Variants in EZH2 observed in about 807,000 individuals in gnomAD.
EZH2 encodes histone-lysine N-methyltransferase EZH2.
In EZH2, 18 loss-of-function variants were observed where a neutral mutation model predicts 98.4. The ratio of observed to expected loss-of-function variants is 0.18; its 90% CI spans 0.13 to 0.27. EZH2 has a LOEUF of 0.27. EZH2 is among the 10% of genes least tolerant of loss of function. The pLI is 1.00. For synonymous variants in EZH2, 338 were observed against 312.3 expected (o/e 1.08, Z -0.87); for missense variants, 470 against 935.1 (o/e 0.50, Z 6.49).
intron 6 of EZH2, among the ~76,000 whole-genome samples, 192 bp from the exon 7 acceptor site, chr7:148,827,458 T>C (rs1278858258): frequency 6.6e-6 from 1 of 152,144 alleles, no homozygotes; most frequent in African/African-American, 2.4e-5. Context: ...AAAATTCAAA[T>C]TCAAATATGA....
At chr7:148,854,352 C>T (rs1033590506) in intron 1 of EZH2, among the ~76,000 whole-genome samples, 2 of 150,824 alleles carry the variant, frequency 1.3e-5, no homozygotes, top group African/African-American at 4.9e-5. Context: ...AGGAGAATGG[C>T]GTGAACCCGG....
chr7:148,857,067 A>T (rs1563049974), intron 1 of EZH2, among the ~76,000 whole-genome samples: 1 of 152,258 alleles, frequency 6.6e-6, no homozygotes, highest in Non-Finnish European at 1.5e-5. Context: ...ATGTGATGAA[A>T]TGAGATGGGG....
intron 3 of EZH2, among the ~76,000 whole-genome samples, chr7:148,833,791 A>G (rs545667990): frequency 6.6e-6 from 1 of 152,276 alleles, no homozygotes; most frequent in African/African-American, 2.4e-5. Flanking sequence ...TACAGGTGAG[A>G]AAACTATAGA....
At chr7:148,859,994 A>G (rs564616715) in intron 1 of EZH2, among the ~76,000 whole-genome samples, 4 of 152,248 alleles carry the variant, frequency 2.6e-5, no homozygotes, top group Non-Finnish European at 5.9e-5. Flanking sequence ...CTCTGTTAGT[A>G]TTATCAAGCC....
At chr7:148,807,836 A>AAC (rs1491079580) in intron 19 of EZH2, 130 bp from the exon 20 acceptor site, 9 of 572,630 alleles carry the variant, frequency 1.6e-5, no homozygotes, top group Admixed American at 3.3e-5. Context: ...AAAAAAAAAA[A>AAC]CCCATCCAAT....
At chr7:148,820,186 T>C (rs1370371487) in intron 8 of EZH2, among the ~76,000 whole-genome samples, 1 of 152,190 alleles carries the variant, frequency 6.6e-6, no homozygotes, top group Admixed American at 6.5e-5. Context: ...CTGTGAATCA[T>C]ACCCAATCCA....
intron 4 of EZH2, among the ~76,000 whole-genome samples, chr7:148,830,290 GA>G (rs1210505257): frequency 1.3e-5 from 2 of 152,166 alleles, no homozygotes; most frequent in African/African-American, 4.8e-5. Context: ...AAAGTGCTGG[GA>G]TAACAGGTGT....
intron 16 of EZH2, 65 bp downstream of exon 16, chr7:148,811,560 C>A: frequency 7.7e-7 from 1 of 1,294,634 alleles, no homozygotes; most frequent in South Asian, 1.3e-5. Context: ...CTAATAAAAT[C>A]AATCTAAAAT....
At chr7:148,828,192 G>C (rs954922331) in intron 6 of EZH2, among the ~76,000 whole-genome samples, 1 of 152,164 alleles carries the variant, frequency 6.6e-6, no homozygotes, top group African/African-American at 2.4e-5. Context: ...TGGTGCATAA[G>C]AAGTGATTAG....
chr7:148,847,396 T>A, intron 1 of EZH2, 91 bp from the exon 2 acceptor site: 1 of 1,496,396 alleles, frequency 6.7e-7, no homozygotes, highest in Non-Finnish European at 9.1e-7. Flanking sequence ...TAACAATCAG[T>A]GAAGAAATGA....
intron 6 of EZH2, among the ~76,000 whole-genome samples, chr7:148,827,731 A>G (rs1253178314): frequency 6.6e-6 from 1 of 152,224 alleles, no homozygotes; most frequent in African/African-American, 2.4e-5. Context: ...AGCTTTGCCA[A>G]GTAGAGAACA....
chr7:148,830,174 C>T (rs1370037121), intron 4 of EZH2, among the ~76,000 whole-genome samples: 2 of 152,136 alleles, frequency 1.3e-5, no homozygotes, highest in African/African-American at 2.4e-5. Context: ...GAGAAGACAT[C>T]GTCTGTTTTT....
intron 9 of EZH2, among the ~76,000 whole-genome samples, chr7:148,818,519 T>C (rs1805182757): frequency 6.6e-6 from 1 of 152,232 alleles, no homozygotes; most frequent in African/African-American, 2.4e-5. Context: ...ATATACCTAA[T>C]GTGCACGGAG....
chr7:148,817,717 C>A, intron 10 of EZH2, 160 bp downstream of exon 10: 1 of 1,030,892 alleles, frequency 9.7e-7, no homozygotes. Context: ...CGGGTGCAGG[C>A]AGGAAACAGA....
chr7:148,878,386 T>G (rs1820466050), intron 1 of EZH2, among the ~76,000 whole-genome samples: 1 of 152,222 alleles, frequency 6.6e-6, no homozygotes, highest in Non-Finnish European at 1.5e-5. Flanking sequence ...TACAAAAGGT[T>G]GTATCTGGCT....
chr7:148,846,394 C>T (rs1265972330), intron 3 of EZH2, 76 bp downstream of exon 3: 1 of 1,517,764 alleles, frequency 6.6e-7, no homozygotes, highest in Non-Finnish European at 8.9e-7. Flanking sequence ...GATTTCCTCC[C>T]AATAACCAAA....
At chr7:148,883,137 G>C (rs948582801) in intron 1 of EZH2, 1 of 152,214 alleles carries the variant, frequency 6.6e-6, no homozygotes, top group African/African-American at 2.4e-5. Flanking sequence ...TATCACACAA[G>C]TTGGCCAAAA....
At chr7:148,810,896 CAAAA>C (rs924758768) in intron 16 of EZH2, among the ~76,000 whole-genome samples, 2 of 43,666 alleles carry the variant, frequency 4.6e-5, no homozygotes, top group African/African-American at 8.6e-5. Flanking sequence ...AACTCTGTCT[CAAAA>C]AAAAAAAAAA....
At chr7:148,840,712 T>C (rs1350949237) in intron 3 of EZH2, among the ~76,000 whole-genome samples, 7 of 152,204 alleles carry the variant, frequency 4.6e-5, no homozygotes, top group Admixed American at 6.5e-5. Flanking sequence ...ACTCAAGTGA[T>C]ATTCTTTTAT....
Sources: allele counts gnomAD v4.1 joint callset (sites outside exome capture counted in the v4.1 genomes callset), GRCh38; gene constraint gnomAD v4.1.1; transcripts MANE v1.5; gene names NCBI Gene and HGNC (gene_info 2026-07-23, HGNC 2026-07-21).